Variants in CSTPP1 observed in about 807,000 individuals in gnomAD.
CSTPP1 encodes centriolar satellite-associated tubulin polyglutamylase complex regulator 1.
chr11:47,060,717 G>T, the CSTPP1 span, among the ~76,000 whole-genome samples: 1 of 152,054 alleles, frequency 6.6e-6, no homozygotes, highest in East Asian at 1.9e-4. Context: ...TGGGTAATGG[G>T]TGCAACAAAA....
the CSTPP1 span, among the ~76,000 whole-genome samples, chr11:47,036,210 TA>T: frequency 3.8e-5 from 2 of 53,240 alleles, no homozygotes; most frequent in Non-Finnish European, 8.3e-5. Context: ...TTATATATTA[TA>T]TTAATATATA....
chr11:47,148,043 C>T, the CSTPP1 span, among the ~76,000 whole-genome samples: 2 of 152,168 alleles, frequency 1.3e-5, no homozygotes, highest in Admixed American at 6.5e-5. Context: ...GGACACCCCA[C>T]GCCACTTCAA....
the CSTPP1 span, among the ~76,000 whole-genome samples, chr11:47,067,657 G>A: frequency 6.6e-6 from 1 of 152,218 alleles, no homozygotes; most frequent in African/African-American, 2.4e-5. Context: ...AAACCAAGGA[G>A]AGAGCCTTTA....
the CSTPP1 span, among the ~76,000 whole-genome samples, chr11:46,960,118 T>A: frequency 6.6e-6 from 1 of 152,212 alleles, no homozygotes; most frequent in African/African-American, 2.4e-5. Context: ...CTGCCTAACT[T>A]GGCTTTCCAA....
the CSTPP1 span, among the ~76,000 whole-genome samples, chr11:47,014,239 GAAGGAAGA>G: frequency 6.7e-6 from 1 of 149,480 alleles, no homozygotes; most frequent in Non-Finnish European, 1.5e-5. Flanking sequence ...AAGAAGGAAG[GAAGGAAGA>G]AAGGAAGGAA....
At chr11:47,149,963 C>G in the CSTPP1 span, among the ~76,000 whole-genome samples, 1 of 152,070 alleles carries the variant, frequency 6.6e-6, no homozygotes, top group Non-Finnish European at 1.5e-5. Flanking sequence ...TTGAAAATGT[C>G]TCTAGAGCCA....
the CSTPP1 span, among the ~76,000 whole-genome samples, chr11:46,940,108 A>C: frequency 6.6e-6 from 1 of 152,136 alleles, no homozygotes; most frequent in Non-Finnish European, 1.5e-5. Flanking sequence ...CCTGAGCTCA[A>C]GCGATCTGCC....
chr11:47,032,766 A>G, the CSTPP1 span, among the ~76,000 whole-genome samples: 1 of 152,160 alleles, frequency 6.6e-6, no homozygotes, highest in Non-Finnish European at 1.5e-5. Flanking sequence ...TAGCATAAGG[A>G]AGAAGAGGAA....
chr11:47,161,032 A>T, the CSTPP1 span: 1 of 1,524,228 alleles, frequency 6.6e-7, no homozygotes. Context: ...CAGGGTCAGC[A>T]GAACAGGCAG....
At chr11:47,153,757 GTC>G in the CSTPP1 span, among the ~76,000 whole-genome samples, 3 of 152,132 alleles carry the variant, frequency 2.0e-5, no homozygotes, top group Non-Finnish European at 4.4e-5. Flanking sequence ...AGGAACCACT[GTC>G]TCTCTTCAGG....
chr11:46,949,105 A>G, the CSTPP1 span, among the ~76,000 whole-genome samples: 2 of 151,810 alleles, frequency 1.3e-5, no homozygotes, highest in South Asian at 2.1e-4. Context: ...GGAGTTCCTT[A>G]TAGGGAAGGT....
the CSTPP1 span, among the ~76,000 whole-genome samples, chr11:47,049,265 G>A: frequency 3.9e-5 from 6 of 152,032 alleles, no homozygotes; most frequent in Non-Finnish European, 8.8e-5. Context: ...GGGATTATAG[G>A]CATAAGCCAC....
At chr11:47,093,048 G>C in the CSTPP1 span, among the ~76,000 whole-genome samples, 1 of 152,186 alleles carries the variant, frequency 6.6e-6, no homozygotes, top group Non-Finnish European at 1.5e-5. Flanking sequence ...GTGATTTAGA[G>C]GATGCCAAGG....
At chr11:46,955,358 GTTGTTTTT>G in the CSTPP1 span, among the ~76,000 whole-genome samples, 9 of 145,564 alleles carry the variant, frequency 6.2e-5, no homozygotes, top group African/African-American at 2.3e-4. Context: ...TTTTTTTTTT[GTTGTTTTT>G]TTGTTTTTTT....
At chr11:46,965,231 TTA>T in the CSTPP1 span, among the ~76,000 whole-genome samples, 3,536 of 133,598 alleles carry the variant, frequency 0.026, 363 homozygotes, top group African/African-American at 0.12. Flanking sequence ...TTTTTTTTTT[TTA>T]TTTTTTTTTG....
chr11:47,038,908 G>A, the CSTPP1 span, among the ~76,000 whole-genome samples: 32 of 122,748 alleles, frequency 2.6e-4, 3 homozygotes, highest in African/African-American at 6.8e-4. Context: ...CGGACGGGGC[G>A]GCAGGGCAGA....
the CSTPP1 span, among the ~76,000 whole-genome samples, chr11:47,099,457 G>A: frequency 6.6e-6 from 1 of 152,140 alleles, no homozygotes. Flanking sequence ...AGAGTGGTTG[G>A]AGGATCTGTC....
chr11:47,065,837 G>A, the CSTPP1 span, among the ~76,000 whole-genome samples: 8 of 151,740 alleles, frequency 5.3e-5, no homozygotes, highest in Non-Finnish European at 8.8e-5. Context: ...TCCGCCACCC[G>A]GGTTCGAGCA....
the CSTPP1 span, among the ~76,000 whole-genome samples, chr11:46,958,689 C>CATTT: frequency 6.6e-6 from 1 of 152,156 alleles, no homozygotes; most frequent in African/African-American, 2.4e-5. Flanking sequence ...GAAGTCCCAC[C>CATTT]ATTTGTGCCT....
Sources: gnomAD v4.1 joint callset for allele counts (sites outside exome capture counted in the v4.1 genomes callset) on GRCh38, gnomAD v4.1.1 for gene constraint, MANE v1.5 for transcripts, NCBI Gene and HGNC (gene_info 2026-07-23, HGNC 2026-07-21) for gene names.